ZNF582: variants seen among roughly 807,000 people sequenced by gnomAD.
ZNF582 encodes zinc finger protein 582.
A neutral mutation model predicts 12.3 loss-of-function variants in ZNF582; 14 were observed. The ratio of observed to expected loss-of-function variants is 1.14; its 90% CI spans 0.75 to 1.78. The LOEUF is 1.78. Among genes scored for constraint, ZNF582 ranks in the 40% most tolerant of loss-of-function variants. ZNF582 has a pLI of 0.00. For synonymous variants in ZNF582, 210 were observed against 207.2 expected (o/e 1.01, Z -0.11); for missense variants, 567 against 616.5 (o/e 0.92, Z 0.85).
chr19:56,385,823 G>C (rs1415711053), intron 4 of ZNF582, among the ~76,000 whole-genome samples: 1 of 152,186 alleles, frequency 6.6e-6, no homozygotes, highest in Non-Finnish European at 1.5e-5. Flanking sequence ...GTGCAGGAGG[G>C]AGCACAAGGG....
chr19:56,390,518 G>A lies in ZNF582; in HGVS notation c.10-17C>T, dbSNP rs2042006608. ...TTCTGACCCCTGGAATGACAGGCATGTATGATATATATGTATTTCAATGGT... is the reference window on the plus strand; with the variant it reads ...TTCTGACCCCTGGAATGACAGGCATATATGATATATATGTATTTCAATGGT... On this transcript the variant is annotated splice_polypyrimidine_tract_variant and intron_variant, in intron 2 of 4. Coordinates refer to ENST00000586929, the Ensembl canonical transcript of ZNF582. 1 of 1,613,844 alleles carries A rather than the reference G, an allele frequency of 6.2e-7. No homozygotes were observed. The highest frequency in any genetic ancestry group is 8.5e-7 in the Non-Finnish European group (1 of 1,179,856).
Position 56,393,206 on chromosome 19 carries a change from C to T in ZNF582, c.-81+14G>A. The T allele has an allele frequency of 1.6e-6, 2 of 1,263,498 alleles. No homozygotes were observed. Among genetic ancestry groups the T allele is most frequent in the South Asian group, 2.6e-5 (2 of 75,922 alleles). The allele number at this position is 1,263,498 out of a possible 1,614,324, so 78.3% of individuals were successfully genotyped here. ...TCCGCAATTTCAGGGGGTCGGAGACCCCTGCGCACCCACCTAAGGGGTCCA... is the reference window on the plus strand; with the variant it reads ...TCCGCAATTTCAGGGGGTCGGAGACTCCTGCGCACCCACCTAAGGGGTCCA... On this transcript the variant is annotated intron_variant, in intron 1 of 4. Transcript: ENST00000586929.
Position 56,388,416 on chromosome 19 carries a change from T to A in ZNF582, c.232+1585A>T, listed in dbSNP as rs182577485. ...CTAATAAATAAGAATAAAGTTTTTT[T>A]AAAAATCACTATTTTGTAACTATTA... On this transcript the variant is annotated intron_variant, in intron 4 of 4. Transcript: ENST00000586929. The A allele has an allele frequency of 1.4e-4, 22 of 152,326 alleles. No individual in the cohort carries two copies. In the East Asian group the frequency reaches 3.7e-3, roughly 25 times the overall value. 9.4% of individuals were successfully genotyped at this position (152,326 alleles called of 1,614,324 possible).
At chr19:56,392,429 C>T (rs1005341265) in intron 1 of ZNF582, among the ~76,000 whole-genome samples, 2 of 152,234 alleles carry the variant, frequency 1.3e-5, no homozygotes, top group Non-Finnish European at 2.9e-5. Context: ...GCCCAGTGCT[C>T]CATTATCAGC....
intron 4 of ZNF582, among the ~76,000 whole-genome samples, chr19:56,385,634 G>A (rs962617523): frequency 8.0e-4 from 120 of 150,716 alleles, no homozygotes; most frequent in African/African-American, 2.8e-3. Flanking sequence ...CTATGATCAC[G>A]CCAATGCACT....
At chr19:56,389,231 C>G (rs2041995679) in intron 4 of ZNF582, among the ~76,000 whole-genome samples, 1 of 152,200 alleles carries the variant, frequency 6.6e-6, no homozygotes, top group Admixed American at 6.5e-5. Context: ...TAATGTCCAC[C>G]TGCCTCATCA....
chr19:56,383,770 A>T (rs1359932192), exon 5 of ZNF582: 2 of 1,394,384 alleles, frequency 1.4e-6, no homozygotes, highest in Non-Finnish European at 1.9e-6. Context: ...GACTTAGGAT[A>T]AAGGCTTACC....
At chr19:56,393,153 A>T in intron 1 of ZNF582, 67 bp downstream of exon 1, 1 of 1,192,912 alleles carries the variant, frequency 8.4e-7, no homozygotes, top group Non-Finnish European at 1.1e-6. Context: ...AAAAAAAAAA[A>T]GGCACGCATA....
At position 56,384,612 on chromosome 19, in the gene ZNF582, G is replaced by A; in HGVS notation, c.805C>T (p.Gln269Ter). 1 of 1,614,120 alleles carries A rather than the reference G, an allele frequency of 6.2e-7. No homozygotes were observed. Among genetic ancestry groups the A allele is most frequent in the Non-Finnish European group, 8.5e-7 (1 of 1,180,034 alleles). Residue 269 changes from glutamine (Q) to a stop codon, truncating the protein, a stop_gained, in exon 5 of 5, where the codon CAG (glutamine) becomes TAG (stop). Transcript: ENST00000586929. LOFTEE classifies it low-confidence loss of function (END_TRUNC). Reference sequence around the variant, plus strand: ...TGAGTTCGCTGATGTTCAATCAACTGTGAGCTTCGACTAAAGGCCTTCTCA... The same window carrying A: ...TGAGTTCGCTGATGTTCAATCAACTATGAGCTTCGACTAAAGGCCTTCTCA...
chr19:56,390,131 G>A (rs1367159235), intron 3 of ZNF582, 35 bp from the exon 4 acceptor site: 1 of 1,601,568 alleles, frequency 6.2e-7, no homozygotes, highest in African/African-American at 1.3e-5. Context: ...CCTGGTTATG[G>A]TGTGGGGGCC....
intron 4 of ZNF582, among the ~76,000 whole-genome samples, chr19:56,387,872 C>A (rs1480138275): frequency 6.6e-6 from 1 of 152,234 alleles, no homozygotes; most frequent in South Asian, 2.1e-4. Context: ...GACTTTTATG[C>A]TTCTCCTTTT....
chr19:56,391,614 G>A, intron 2 of ZNF582, 130 bp downstream of exon 2: 1 of 761,976 alleles, frequency 1.3e-6, no homozygotes, highest in Non-Finnish European at 2.3e-6. Flanking sequence ...AGGACAATGG[G>A]AGAGGAGACT....
intron 4 of ZNF582, chr19:56,386,227 G>C (rs1161243513): frequency 2.6e-5 from 4 of 152,206 alleles, no homozygotes; most frequent in Non-Finnish European, 5.9e-5. Context: ...GAATATGCTG[G>C]TACAGTGGCA....
intron 2 of ZNF582, 128 bp downstream of exon 2, chr19:56,391,616 G>A (rs1163247957): frequency 9.1e-6 from 7 of 772,272 alleles, no homozygotes; most frequent in Non-Finnish European, 1.6e-5. Context: ...GACAATGGGA[G>A]AGGAGACTCC....
intron 4 of ZNF582, among the ~76,000 whole-genome samples, chr19:56,388,741 T>C (rs777996520): frequency 1.4e-4 from 21 of 152,278 alleles, no homozygotes; most frequent in Admixed American, 4.6e-4. Flanking sequence ...CAAGCGATTC[T>C]CCTGCTTCAG....
intron 4 of ZNF582, chr19:56,387,818 C>A (rs753658277): frequency 6.6e-6 from 1 of 152,200 alleles, no homozygotes; most frequent in Non-Finnish European, 1.5e-5. Context: ...TTTGTGCCCA[C>A]GCAAATCTCT....
chr19:56,389,884 T>C, intron 4 of ZNF582, 117 bp downstream of exon 4: 2 of 730,836 alleles, frequency 2.7e-6, no homozygotes, highest in Non-Finnish European at 2.3e-6. Context: ...AAACAACACG[T>C]AAGACATAAG....
exon 5 of ZNF582, chr19:56,384,639 A>C: frequency 6.2e-7 from 1 of 1,614,136 alleles, no homozygotes; most frequent in South Asian, 1.1e-5. Context: ...GCCTTCTCAC[A>C]ATCTTTACAT....
chr19:56,384,279 A>T lies in ZNF582; in HGVS notation c.1138T>A (p.Ser380Thr), dbSNP rs201066251. ...ATTCTCTGATGTTGCTTGAGTTGTG[A>T]GCTCACTCTAAAGGCCTTTCCACAT... Residue 380 changes from serine to threonine, a missense_variant, in exon 5 of 5, where the codon TCA becomes ACA. Ser to Thr is a moderately conservative substitution (Grantham distance 58). Coordinates refer to ENST00000586929, the Ensembl canonical transcript of ZNF582. 11 of 1,613,962 alleles carry T rather than the reference A, an allele frequency of 6.8e-6. No homozygotes were observed. In the African/African-American group the frequency reaches 1.1e-4, roughly 16 times the overall value.
Sources: gnomAD v4.1 joint callset for allele counts (sites outside exome capture counted in the v4.1 genomes callset) on GRCh38, gnomAD v4.1.1 for gene constraint, MANE v1.5 for transcripts, NCBI Gene and HGNC (gene_info 2026-07-23, HGNC 2026-07-21) for gene names.